Variants in TSC22D1 observed in about 807,000 individuals in gnomAD.
TSC22D1 encodes the protein TSC22 domain family protein 1.
In TSC22D1, 9 loss-of-function variants were observed where a neutral mutation model predicts 74.2. The ratio of observed to expected loss-of-function variants is 0.12; its 90% confidence interval spans 0.07 to 0.21. The LOEUF (loss-of-function observed/expected upper bound fraction) is 0.21. TSC22D1 is among the 10% of genes least tolerant of loss of function. The probability of loss-of-function intolerance (pLI) is 1.00; values close to 1 mark genes in which losing one functional copy is unlikely to be tolerated. For missense variants in TSC22D1, 1,427 were observed against 1,304.7 expected (o/e 1.09, Z -1.44); for synonymous variants, 586 against 492.5 (o/e 1.19, Z -2.51).
At chr13:44,466,937 CAG>C in intron 1 of TSC22D1, among the ~76,000 whole-genome samples, 1 of 152,076 alleles carries the variant, frequency 6.6e-6, no homozygotes. Context: ...CCGAGGTGGG[CAG>C]ATCACTTGAG....
At chr13:44,447,558 TA>T (rs2138894909) in intron 1 of TSC22D1, among the ~76,000 whole-genome samples, 1 of 152,296 alleles carries the variant, frequency 6.6e-6, no homozygotes, top group East Asian at 1.9e-4. Context: ...AAAAATTAAA[TA>T]CTTGCTTTAA....
intron 1 of TSC22D1, among the ~76,000 whole-genome samples, chr13:44,485,165 A>C (rs1878370494): frequency 6.6e-6 from 1 of 152,194 alleles, no homozygotes; most frequent in African/African-American, 2.4e-5. Flanking sequence ...TCAAGACAAT[A>C]GTTAGAAAAT....
intron 1 of TSC22D1, among the ~76,000 whole-genome samples, chr13:44,438,142 T>C (rs1285323818): frequency 1.3e-5 from 2 of 152,192 alleles, no homozygotes; most frequent in African/African-American, 2.4e-5. Context: ...AGTCAATACA[T>C]GCGAGAAAGA....
rs180859472 is a variant in TSC22D1 at position 44,500,965 on chromosome 13, C to T, written c.2913-64870G>A. Among the ~76,000 whole-genome samples the T allele has an allele frequency of 7.2e-5, 11 of 152,274 alleles. 1 individual carries two copies. In the East Asian group the frequency reaches 2.1e-3, roughly 29 times the overall value. ...CCTCCCAAAGTGCTGGGATTACAGGCATGAGCAACTATGTGTGGTCCAACT... is the reference window on the plus strand; with the variant it reads ...CCTCCCAAAGTGCTGGGATTACAGGTATGAGCAACTATGTGTGGTCCAACT... On this transcript the variant is annotated intron_variant, in intron 1 of 2. Coordinates refer to ENST00000458659, the MANE Select transcript of TSC22D1 (RefSeq NM_183422.4).
intron 1 of TSC22D1, among the ~76,000 whole-genome samples, chr13:44,498,633 C>T (rs1879083422): frequency 6.6e-6 from 1 of 152,098 alleles, no homozygotes; most frequent in Non-Finnish European, 1.5e-5. Context: ...GTCTCAAGAA[C>T]CTAGCTCAGC....
chr13:44,531,386 A>G (rs1316992583), intron 1 of TSC22D1, among the ~76,000 whole-genome samples: 1 of 152,236 alleles, frequency 6.6e-6, no homozygotes, highest in Non-Finnish European at 1.5e-5. Flanking sequence ...ATAGATCAAC[A>G]GATCTGCCTT....
chr13:44,519,572 G>C (rs1775594031), intron 1 of TSC22D1, among the ~76,000 whole-genome samples: 1 of 152,144 alleles, frequency 6.6e-6, no homozygotes, highest in African/African-American at 2.4e-5. Flanking sequence ...TCAAAGGTAA[G>C]ACTGGAAAGG....
intron 1 of TSC22D1, chr13:44,538,142 A>C: frequency 1.0e-6 from 1 of 985,342 alleles, no homozygotes; most frequent in Non-Finnish European, 1.2e-6. Context: ...TCTGTAAACT[A>C]CTGTTTTGTG....
At chr13:44,568,585 C>T (rs972479159) in intron 1 of TSC22D1, among the ~76,000 whole-genome samples, 2 of 152,212 alleles carry the variant, frequency 1.3e-5, no homozygotes, top group Non-Finnish European at 2.9e-5. Flanking sequence ...AATCCTCTCA[C>T]CTTGGCCTCC....
At chr13:44,508,661 A>G (rs1879547776) in intron 1 of TSC22D1, among the ~76,000 whole-genome samples, 1 of 152,054 alleles carries the variant, frequency 6.6e-6, no homozygotes, top group African/African-American at 2.4e-5. Flanking sequence ...ACAAAGCTCT[A>G]TTCACAGTAT....
chr13:44,479,322 A>T (rs1321827100), intron 1 of TSC22D1, among the ~76,000 whole-genome samples: 2 of 134,086 alleles, frequency 1.5e-5, no homozygotes, highest in Non-Finnish European at 3.2e-5. Context: ...TCTTTCTGTG[A>T]TTTTTTTTTT....
At chr13:44,554,188 G>T (rs112965008) in intron 1 of TSC22D1, among the ~76,000 whole-genome samples, 3 of 152,108 alleles carry the variant, frequency 2.0e-5, no homozygotes, top group Non-Finnish European at 4.4e-5. Flanking sequence ...AACAGCACGG[G>T]TAGCTATTAC....
At chr13:44,550,346 G>T (rs1882149242) in intron 1 of TSC22D1, among the ~76,000 whole-genome samples, 1 of 152,096 alleles carries the variant, frequency 6.6e-6, no homozygotes, top group South Asian at 2.1e-4. Context: ...ACTTTGGGAG[G>T]CCGGGTGGGT....
chr13:44,444,347 T>C lies in TSC22D1; in HGVS notation c.2913-8252A>G, dbSNP rs532972328. ...AAAGAAAAAAAAACAATAATGACAT[T>C]AAATATAAATGGTCTCAAGCACCTC... On this transcript the variant is annotated intron_variant, in intron 1 of 2. Transcript: ENST00000458659. 9.5e-4 allele frequency among the ~76,000 whole-genome samples: 123 copies of C among 129,426 alleles called. 2 individuals are homozygous for C. The highest frequency in any genetic ancestry group is 3.5e-3 in the African/African-American group (120 of 34,410). The allele number at this position is 129,426 out of a possible 152,430, so 84.9% of individuals were successfully genotyped here.
intron 1 of TSC22D1, among the ~76,000 whole-genome samples, chr13:44,525,463 C>G (rs1012784350): frequency 1.3e-4 from 20 of 152,144 alleles, no homozygotes; most frequent in African/African-American, 4.8e-4. Context: ...GAGGCGCATG[C>G]CTGTAGTACC....
In TSC22D1 at chr13:44,523,637, G is replaced by A. The variant is rs944204063; in HGVS notation, c.2912+49526C>T. On this transcript the variant is annotated intron_variant, in intron 1 of 2. Coordinates refer to ENST00000458659, the MANE Select transcript of TSC22D1 (RefSeq NM_183422.4). The stretch of plus-strand genomic sequence containing the variant: ...GTGGGGAGGTAGGAGTATGTGGCAC[G>A]CAGAGAAGAAGGATTTTGCAACAGG... Among the ~76,000 whole-genome samples, 5 of 152,270 alleles carry A rather than the reference G, an allele frequency of 3.3e-5. No homozygotes were observed. In the East Asian group the frequency reaches 7.7e-4, roughly 24 times the overall value.
At chr13:44,538,105 G>C (rs1411313501) in intron 1 of TSC22D1, 2 of 984,934 alleles carry the variant, frequency 2.0e-6, no homozygotes, top group African/African-American at 3.5e-5. Flanking sequence ...ACACCTACAG[G>C]CTTATTCTAA....
At chr13:44,554,445 T>C (rs776917362) in intron 1 of TSC22D1, among the ~76,000 whole-genome samples, 18 of 152,070 alleles carry the variant, frequency 1.2e-4, no homozygotes, top group Admixed American at 3.3e-4. Flanking sequence ...ATTTGGATAA[T>C]TGAGAAGATA....
chr13:44,576,424 G>A, upstream of TSC22D1: 1 of 219,450 alleles, frequency 4.6e-6, no homozygotes, highest in East Asian at 9.3e-5. Flanking sequence ...GGAAAAGCGA[G>A]AAATGCCCAC....
Sources: gnomAD v4.1 joint callset for allele counts (sites outside exome capture counted in the v4.1 genomes callset) on GRCh38, gnomAD v4.1.1 for gene constraint, MANE v1.5 for transcripts, NCBI Gene and HGNC (gene_info 2026-07-23, HGNC 2026-07-21) for gene names.